The following NUFIP2 variants were observed in gnomAD, a reference collection of about 807,000 sequenced individuals.
NUFIP2 encodes the protein FMR1-interacting protein NUFIP2.
In NUFIP2, 6 loss-of-function variants were observed where a neutral mutation model predicts 56.9. The observed-to-expected ratio is 0.11, with a 90% CI of 0.06 to 0.21. The LOEUF (loss-of-function observed/expected upper bound fraction) is 0.21, where lower values mean the gene tolerates loss of function less well. NUFIP2 is among the 10% of genes least tolerant of loss of function. The pLI is 1.00. For synonymous variants in NUFIP2, 321 were observed against 298.2 expected, an observed-to-expected ratio of 1.08 and a Z score of -0.79; for missense variants, 828 against 826.8, an observed-to-expected ratio of 1.00 and a Z score of -0.02.
chr17:29,263,264 AATG>A lies in NUFIP2; in HGVS notation c.*1272_*1274del. ...CTGCAGTGCAACAGGATGGCAATGT[AATG>A]ATAAGACAGGGCTAATGCTCTTCTC... On this transcript the variant is annotated 3_prime_UTR_variant, in exon 4 of 4. Transcript: ENST00000225388. 6.6e-6 allele frequency: 1 copy of A among 152,632 alleles called. No individual in the cohort carries two copies. Among genetic ancestry groups the A allele is most frequent in the East Asian group, 1.9e-4 (1 of 5,200 alleles). The allele number at this position is 152,632 out of a possible 1,614,324, so 9.5% of individuals were successfully genotyped here. A position where few individuals can be genotyped will look rare whatever the true frequency, so the allele number is the denominator to read the frequency against.
At chr17:29,265,071 T>C (rs929331614) in intron 3 of NUFIP2, among the ~76,000 whole-genome samples, 5 of 152,162 alleles carry the variant, frequency 3.3e-5, no homozygotes, top group Non-Finnish European at 7.4e-5. Flanking sequence ...TTAAATTAAT[T>C]AGCAAAACTG....
intron 2 of NUFIP2, among the ~76,000 whole-genome samples, chr17:29,276,935 C>T (rs1284706746): frequency 6.6e-6 from 1 of 152,168 alleles, no homozygotes; most frequent in African/African-American, 2.4e-5. Flanking sequence ...TTAAATCCCT[C>T]AAGGAAAAAG....
At position 29,287,643 on chromosome 17, in the gene NUFIP2, G is replaced by A. The variant is rs2069186145; in HGVS notation, c.351C>T (p.Thr117=). The part of the protein sequence containing the change: ...SLKNLSSDEA[T]NPISRVLNGN... ...CATTGAGGACCCTGGAAATAGGGTT[G>A]GTGGCTTCATCAGAACTCAGGTTCT... Residue 117 remains threonine, a synonymous_variant, in exon 2 of 4, where the codon ACC becomes ACT. Transcript: ENST00000225388. 6.2e-7 allele frequency: 1 copy of A among 1,613,636 alleles called. No individual in the cohort carries two copies. Among genetic ancestry groups the A allele is most frequent in the African/African-American group, 1.3e-5 (1 of 74,776 alleles).
At position 29,287,260 on chromosome 17, in the gene NUFIP2, A is replaced by C; in HGVS notation, c.734T>G (p.Met245Arg). The part of the protein sequence containing the change: ...ENLNIVQDKI[M>R]QQETSVPTLK... ...GGTTGGGACACTGGTCTCTTGTTGC[A>C]TTATTTTGTCCTGCACTATATTAAG... Residue 245 changes from methionine (M) to arginine (R), a missense_variant, in exon 2 of 4, where the codon ATG (methionine) becomes AGG (arginine). By Grantham distance (91) the Met-to-Arg change is moderately conservative. This residue lies in a region of NUFIP2 where 415 missense variants were observed against 408.7 expected (regional missense o/e 1.02). Transcript: ENST00000225388. The C allele has an allele frequency of 6.2e-7, 1 of 1,614,124 alleles. No homozygotes were observed. Among genetic ancestry groups the C allele is most frequent in the South Asian group, 1.1e-5 (1 of 91,072 alleles).
intron 2 of NUFIP2, among the ~76,000 whole-genome samples, chr17:29,274,482 C>T (rs2069095489): frequency 6.6e-6 from 1 of 152,102 alleles, no homozygotes; most frequent in Admixed American, 6.6e-5. Flanking sequence ...TCTTAAAAAA[C>T]AACAAAAAAA....
At chr17:29,281,272 A>C (rs1475599272) in intron 2 of NUFIP2, among the ~76,000 whole-genome samples, 1 of 152,100 alleles carries the variant, frequency 6.6e-6, no homozygotes, top group African/African-American at 2.4e-5. Context: ...CAGTGAGCCG[A>C]GATCACGCCA....
Position 29,287,167 on chromosome 17 carries a change from G to C in NUFIP2, c.827C>G (p.Ser276Trp), listed in dbSNP as rs147846044. 10 of 1,614,124 alleles carry C rather than the reference G, an allele frequency of 6.2e-6. 1 individual carries two copies. In the South Asian group the frequency reaches 8.8e-5, roughly 14 times the overall value. ...AGTTTCATACTTCCAAATGGGCTTC[G>C]AACCATCTACTCGATTTCCCTTTTG... ...SEQKGNRVDG[S>W]KPIWKYETGP... The change falls in exon 2 of 4, where the codon TCG becomes TGG. Residue 276 changes from serine to tryptophan, a missense_variant. Physicochemically the swap from Ser to Trp is radical, Grantham distance 177. Coordinates refer to ENST00000225388, the MANE Select transcript of NUFIP2 (RefSeq NM_020772.3).
intron 2 of NUFIP2, among the ~76,000 whole-genome samples, chr17:29,268,271 T>C (rs946027773): frequency 1.3e-5 from 2 of 152,156 alleles, no homozygotes; most frequent in Non-Finnish European, 2.9e-5. Context: ...AATTTTGTCT[T>C]CACAAATTGC....
chr17:29,268,435 T>C lies in NUFIP2; in HGVS notation c.2003-905A>G, dbSNP rs544050932. 1.1e-3 allele frequency among the ~76,000 whole-genome samples: 173 copies of C among 152,352 alleles called. 1 individual carries two copies. Among genetic ancestry groups the C allele is most frequent in the African/African-American group, 3.9e-3 (164 of 41,578 alleles). ...AAAGCATTCATCAAATTTGACTAAT[T>C]AAAATTGATGTTTAATTAGTTTAAC... On this transcript the variant is annotated intron_variant, in intron 2 of 3. Transcript: ENST00000225388.
Position 29,256,882 on chromosome 17 carries a change from A to G in NUFIP2, c.*7657T>C, listed in dbSNP as rs898232107. 2.0e-5 allele frequency: 3 copies of G among 152,218 alleles called. No individual in the cohort carries two copies. Among genetic ancestry groups the G allele is most frequent in the Non-Finnish European group, 2.9e-5 (2 of 68,032 alleles). The allele number at this position is 152,218 out of a possible 1,614,324, so 9.4% of individuals were successfully genotyped here. On this transcript the variant is annotated 3_prime_UTR_variant, in exon 4 of 4. Coordinates refer to ENST00000225388, the MANE Select transcript of NUFIP2 (RefSeq NM_020772.3). ...AAAACAACCAGTGCTTTGATCTTAC[A>G]AACAACTGAATAATTCTAATCTCAA... is the stretch of plus-strand genomic sequence containing the variant.
At chr17:29,284,706 CAAAAA>C (rs66700326) in intron 2 of NUFIP2, among the ~76,000 whole-genome samples, 3 of 53,644 alleles carry the variant, frequency 5.6e-5, no homozygotes, top group East Asian at 5.2e-4. Flanking sequence ...GACTCCATCT[CAAAAA>C]AAAAAAAAAA....
chr17:29,276,575 TG>T (rs1435896921), intron 2 of NUFIP2, among the ~76,000 whole-genome samples: 1 of 152,118 alleles, frequency 6.6e-6, no homozygotes. Context: ...TGACCTCAAG[TG>T]ATCTGCCAGC....
intron 1 of NUFIP2, among the ~76,000 whole-genome samples, chr17:29,289,771 T>G (rs1401584953): frequency 1.3e-5 from 2 of 152,038 alleles, no homozygotes; most frequent in African/African-American, 4.8e-5. Flanking sequence ...CATTCTACAT[T>G]AGAAAAAAAA....
chr17:29,275,985 G>A (rs201313615), intron 2 of NUFIP2, among the ~76,000 whole-genome samples: 5 of 150,512 alleles, frequency 3.3e-5, no homozygotes, highest in African/African-American at 4.9e-5. Flanking sequence ...CCAAGATTGC[G>A]CCACTGCACT....
chr17:29,256,905 C>G lies in NUFIP2; in HGVS notation c.*7634G>C, dbSNP rs1220649372. The G allele has an allele frequency of 2.0e-5, 3 of 152,158 alleles. No homozygotes were observed. Among genetic ancestry groups the G allele is most frequent in the Non-Finnish European group, 4.4e-5 (3 of 68,008 alleles). 9.4% of individuals were successfully genotyped at this position (152,158 alleles called of 1,614,324 possible). On this transcript the variant is annotated 3_prime_UTR_variant, in exon 4 of 4. Transcript: ENST00000225388. ...ACAAACAACTGAATAATTCTAATCTCAAGCCAGTCAATTCAGTAAACCAAA... is the reference window on the plus strand; with the variant it reads ...ACAAACAACTGAATAATTCTAATCTGAAGCCAGTCAATTCAGTAAACCAAA...
At chr17:29,282,147 G>A (rs72819470) in intron 2 of NUFIP2, among the ~76,000 whole-genome samples, 3,284 of 151,964 alleles carry the variant, frequency 0.022, 41 homozygotes, top group Middle Eastern at 0.034. Flanking sequence ...TCCATAGTAC[G>A]CTTAAGGTTC....
intron 1 of NUFIP2, among the ~76,000 whole-genome samples, chr17:29,289,681 T>C (rs1263120870): frequency 6.6e-6 from 1 of 152,210 alleles, no homozygotes; most frequent in African/African-American, 2.4e-5. Context: ...ATAGGAATAC[T>C]GCCATTTTTA....
intron 2 of NUFIP2, among the ~76,000 whole-genome samples, chr17:29,281,396 G>A (rs1363418733): frequency 6.6e-6 from 1 of 152,104 alleles, no homozygotes; most frequent in South Asian, 2.1e-4. Context: ...GGAGGCTGAG[G>A]CAGGAGGATC....
intron 2 of NUFIP2, among the ~76,000 whole-genome samples, chr17:29,273,667 C>T (rs2069090208): frequency 6.6e-6 from 1 of 151,938 alleles, no homozygotes; most frequent in Non-Finnish European, 1.5e-5. Flanking sequence ...TAAGATATAC[C>T]CAAGTAGGCA....
Sources: allele counts gnomAD v4.1 joint callset (sites outside exome capture counted in the v4.1 genomes callset), GRCh38; gene constraint gnomAD v4.1.1; regional missense constraint gnomAD v4.1.1; transcripts MANE v1.5; gene names NCBI Gene and HGNC (gene_info 2026-07-23, HGNC 2026-07-21).